Variants in PAFAH1B1 observed in about 807,000 individuals in gnomAD.
PAFAH1B1 encodes platelet activating factor acetylhydrolase 1b regulatory subunit 1, also known as platelet-activating factor acetylhydrolase IB subunit beta.
In PAFAH1B1, 2 loss-of-function variants were observed where a neutral mutation model predicts 57.5. That is an observed-to-expected ratio of 0.03 (90% CI 0.01 to 0.11). PAFAH1B1 has a LOEUF of 0.11. Ranked by LOEUF, PAFAH1B1 falls within the 10% of genes least tolerant of loss-of-function variation. The probability of loss-of-function intolerance (pLI) is 1.00; values close to 1 mark genes in which losing one functional copy is unlikely to be tolerated. For synonymous variants in PAFAH1B1, 152 were observed against 169.6 expected (o/e 0.90, Z 0.81); for missense variants, 257 against 512.0 (o/e 0.50, Z 4.81).
chr17:2,618,487 G>C (rs533985114), intron 1 of PAFAH1B1, among the ~76,000 whole-genome samples: 26 of 152,012 alleles, frequency 1.7e-4, no homozygotes, highest in Non-Finnish European at 2.6e-4. Context: ...CTCTTACGGA[G>C]TATTTTGTCC....
rs1159360093 is a variant in PAFAH1B1 at position 2,623,576 on chromosome 17, T to A, written c.-190-14523T>A. Among the ~76,000 whole-genome samples the A allele has an allele frequency of 3.3e-5, 5 of 150,866 alleles. No homozygotes were observed. In the East Asian group the frequency reaches 1.0e-3, roughly 30 times the overall value. Reference sequence around the variant, plus strand: ...TCTGGCCAAAAAATGTTGTTTTTTTTTCTATCATATAGTCAGGCTGCAAAT... The same window carrying A: ...TCTGGCCAAAAAATGTTGTTTTTTTATCTATCATATAGTCAGGCTGCAAAT... On this transcript the variant is annotated intron_variant, in intron 1 of 10. Transcript: ENST00000397195.
intron 1 of PAFAH1B1, among the ~76,000 whole-genome samples, chr17:2,612,081 G>GC (rs1212211084): frequency 6.6e-6 from 1 of 152,126 alleles, no homozygotes; most frequent in Non-Finnish European, 1.5e-5. Context: ...TTTAACCCTA[G>GC]TAGTATCTTG....
chr17:2,621,607 CTTTTTTTTTTTTTTTTTTTTT>C (rs534219431), intron 1 of PAFAH1B1, among the ~76,000 whole-genome samples: 4 of 84,758 alleles, frequency 4.7e-5, no homozygotes, highest in Non-Finnish European at 4.0e-5. Context: ...GATAATCTGT[CTTTTTTTTTTTTTTTTTTTTT>C]TTTTTTTTTT....
chr17:2,625,046 A>C (rs1477581754), intron 1 of PAFAH1B1, among the ~76,000 whole-genome samples: 2 of 147,138 alleles, frequency 1.4e-5, no homozygotes, highest in African/African-American at 5.0e-5. Flanking sequence ...TAACTCTTCC[A>C]CTTTCTCTTT....
At chr17:2,665,114 G>A (rs1351288153) in intron 2 of PAFAH1B1, among the ~76,000 whole-genome samples, 1 of 151,926 alleles carries the variant, frequency 6.6e-6, no homozygotes, top group African/African-American at 2.4e-5. Context: ...TTATAAATAT[G>A]AAGTTTCTCT....
intron 1 of PAFAH1B1, among the ~76,000 whole-genome samples, chr17:2,596,424 G>A (rs186557216): frequency 6.6e-6 from 1 of 152,248 alleles, no homozygotes; most frequent in East Asian, 1.9e-4. Flanking sequence ...AAGATAATTT[G>A]CATGAAAGCC....
intron 10 of PAFAH1B1, 152 bp from the exon 11 acceptor site, chr17:2,681,577 T>G (rs2069385191): frequency 7.9e-6 from 5 of 631,692 alleles, no homozygotes; most frequent in South Asian, 5.6e-5. Context: ...CAGTTCTGCA[T>G]CAGTCTCCCG....
chr17:2,615,420 G>T (rs971491790), intron 1 of PAFAH1B1, among the ~76,000 whole-genome samples: 1 of 152,066 alleles, frequency 6.6e-6, no homozygotes, highest in African/African-American at 2.4e-5. Flanking sequence ...GCTTCATTTC[G>T]AAGACAAAAG....
In PAFAH1B1 at chr17:2,670,180, T is replaced by C. The variant is rs775905950; in HGVS notation, c.417T>C (p.Thr139=). 5 of 1,614,190 alleles carry C rather than the reference T, an allele frequency of 3.1e-6. No homozygotes were observed. The highest frequency in any genetic ancestry group is 4.2e-6 in the Non-Finnish European group (5 of 1,179,992). The part of the protein sequence containing the change: ...DATIKVWDYE[T]GDFERTLKGH... ...CTTGACAGGTGTGGGATTATGAGAC[T>C]GGAGATTTTGAACGAACTCTTAAAG... The change falls in exon 6 of 11, where the codon ACT becomes ACC. Residue 139 remains threonine, a synonymous_variant. Transcript: ENST00000397195.
intron 1 of PAFAH1B1, 96 bp from the exon 2 acceptor site, chr17:2,638,003 C>CA (rs1452405607): frequency 3.6e-4 from 161 of 447,562 alleles, no homozygotes; most frequent in African/African-American, 3.0e-3. Flanking sequence ...ACTAACATCA[C>CA]AATAAAATTT....
intron 4 of PAFAH1B1, 24 bp from the exon 5 acceptor site, chr17:2,666,968 C>A (rs373080381): frequency 1.9e-5 from 30 of 1,545,838 alleles, no homozygotes; most frequent in Non-Finnish European, 2.5e-5. Context: ...TCTATCTGTA[C>A]GTAACTACAT....
chr17:2,603,869 C>A (rs1378038352), intron 1 of PAFAH1B1, among the ~76,000 whole-genome samples: 4 of 151,462 alleles, frequency 2.6e-5, no homozygotes, highest in Non-Finnish European at 4.4e-5. Flanking sequence ...TCCTGAGTAG[C>A]TGGGATTACA....
At chr17:2,644,033 T>A (rs1042561368) in intron 2 of PAFAH1B1, among the ~76,000 whole-genome samples, 1 of 152,152 alleles carries the variant, frequency 6.6e-6, no homozygotes, top group African/African-American at 2.4e-5. Context: ...CACATCTGGC[T>A]AATTTTTTAT....
At chr17:2,624,809 T>A (rs1466870458) in intron 1 of PAFAH1B1, among the ~76,000 whole-genome samples, 1 of 152,150 alleles carries the variant, frequency 6.6e-6, no homozygotes, top group Non-Finnish European at 1.5e-5. Flanking sequence ...CATCAAAATA[T>A]TGGAATTACA....
intron 1 of PAFAH1B1, among the ~76,000 whole-genome samples, chr17:2,598,397 G>A (rs2068107340): frequency 6.6e-6 from 1 of 152,024 alleles, no homozygotes; most frequent in African/African-American, 2.4e-5. Flanking sequence ...CTTGAGGCTC[G>A]GTTGGTTTTA....
At chr17:2,626,725 T>G (rs1428946942) in intron 1 of PAFAH1B1, among the ~76,000 whole-genome samples, 1 of 151,932 alleles carries the variant, frequency 6.6e-6, no homozygotes, top group African/African-American at 2.4e-5. Flanking sequence ...CGGCTAATTT[T>G]TGTATTTTTA....
At chr17:2,613,753 TC>T in intron 1 of PAFAH1B1, 2 of 296,928 alleles carry the variant, frequency 6.7e-6, no homozygotes, top group South Asian at 4.6e-5. Flanking sequence ...CCACAGAGAG[TC>T]CCCCTGTGGC....
In PAFAH1B1 at chr17:2,621,974, A is replaced by C. The variant is rs181162996; in HGVS notation, c.-190-16125A>C. 1.0e-3 allele frequency among the ~76,000 whole-genome samples: 159 copies of C among 152,240 alleles called. 1 individual carries two copies. The highest frequency in any genetic ancestry group is 3.7e-3 in the African/African-American group (155 of 41,542). Reference sequence around the variant, plus strand: ...TATTACATTGTGGTGGCAAGAGAAAAATGAGGAAGAAGCAAAACCAGAAAC... The same window carrying C: ...TATTACATTGTGGTGGCAAGAGAAACATGAGGAAGAAGCAAAACCAGAAAC... On this transcript the variant is annotated intron_variant, in intron 1 of 10. Coordinates refer to ENST00000397195, the MANE Select transcript of PAFAH1B1 (RefSeq NM_000430.4).
intron 2 of PAFAH1B1, among the ~76,000 whole-genome samples, chr17:2,663,486 C>G (rs1007290407): frequency 7.2e-5 from 11 of 152,068 alleles, no homozygotes; most frequent in Non-Finnish European, 1.3e-4. Context: ...CTGCCAGGCT[C>G]AAGCCATTCT....
Sources: allele counts gnomAD v4.1 joint callset (sites outside exome capture counted in the v4.1 genomes callset), GRCh38; gene constraint gnomAD v4.1.1; transcripts MANE v1.5; gene names NCBI Gene and HGNC (gene_info 2026-07-23, HGNC 2026-07-21).